The following MDGA2 variants were observed in gnomAD, a reference collection of about 807,000 sequenced individuals.
The protein encoded by MDGA2 is MAM domain containing glycosylphosphatidylinositol anchor 2, also known as MAM domain-containing glycosylphosphatidylinositol anchor protein 2.
A neutral mutation model predicts 117.8 loss-of-function variants in MDGA2; 40 were observed. The ratio of observed to expected loss-of-function variants is 0.34; its 90% CI spans 0.26 to 0.44. MDGA2 has a LOEUF of 0.44. Ranked by LOEUF, MDGA2 falls within the 20% of genes least tolerant of loss-of-function variation. The pLI is 1.00. For synonymous variants in MDGA2, 452 were observed against 439.0 expected (o/e 1.03, Z -0.37); for missense variants, 1,123 against 1,250.6 (o/e 0.90, Z 1.54).
chr14:47,039,244 G>T (rs1027440683), intron 7 of MDGA2, among the ~76,000 whole-genome samples: 1 of 152,060 alleles, frequency 6.6e-6, no homozygotes, highest in Non-Finnish European at 1.5e-5. Context: ...TATTCCAAAA[G>T]TCTTTCAAGC....
chr14:47,563,715 C>T (rs1283608243), intron 1 of MDGA2, among the ~76,000 whole-genome samples: 1 of 149,222 alleles, frequency 6.7e-6, no homozygotes, highest in Non-Finnish European at 1.5e-5. Flanking sequence ...ATCCAACTTG[C>T]CATTCTGTGC....
intron 1 of MDGA2, among the ~76,000 whole-genome samples, chr14:47,473,265 G>A (rs1367076763): frequency 6.6e-6 from 1 of 152,178 alleles, no homozygotes; most frequent in African/African-American, 2.4e-5. Flanking sequence ...ATTTTGAGTA[G>A]TTAGAGCTAG....
intron 2 of MDGA2, among the ~76,000 whole-genome samples, chr14:47,223,357 A>G (rs191448947): frequency 6.6e-6 from 1 of 152,236 alleles, no homozygotes; most frequent in African/African-American, 2.4e-5. Context: ...AACTCATCTG[A>G]ATTTATTTTA....
intron 5 of MDGA2, among the ~76,000 whole-genome samples, chr14:47,107,931 G>A (rs1880812672): frequency 1.3e-5 from 2 of 151,372 alleles, no homozygotes; most frequent in African/African-American, 4.9e-5. Context: ...CTTCCGTTCT[G>A]TCAGACATAA....
chr14:46,992,075 T>C (rs1410671777), intron 8 of MDGA2, among the ~76,000 whole-genome samples: 1 of 152,076 alleles, frequency 6.6e-6, no homozygotes, highest in East Asian at 1.9e-4. Context: ...ATACACTCTT[T>C]CTGTCAAAAG....
intron 3 of MDGA2, among the ~76,000 whole-genome samples, chr14:47,192,492 G>T (rs1885152050): frequency 6.6e-6 from 1 of 152,046 alleles, no homozygotes; most frequent in Non-Finnish European, 1.5e-5. Context: ...GCACGTAGCT[G>T]TAGTCCCAGC....
At chr14:47,165,043 T>C (rs575712986) in intron 3 of MDGA2, among the ~76,000 whole-genome samples, 4 of 152,170 alleles carry the variant, frequency 2.6e-5, no homozygotes, top group South Asian at 4.1e-4. Flanking sequence ...TAGGTGGGAA[T>C]TGAACAATGA....
intron 1 of MDGA2, among the ~76,000 whole-genome samples, chr14:47,393,842 A>G (rs1415031204): frequency 2.0e-5 from 3 of 152,198 alleles, no homozygotes; most frequent in Non-Finnish European, 4.4e-5. Flanking sequence ...TTGACTAATC[A>G]TACTGGCTTA....
At chr14:47,405,926 A>C (rs934268539) in intron 1 of MDGA2, among the ~76,000 whole-genome samples, 2 of 152,172 alleles carry the variant, frequency 1.3e-5, no homozygotes, top group Non-Finnish European at 2.9e-5. Flanking sequence ...TAAAAGAGAA[A>C]CAATTGAAAA....
chr14:47,267,235 A>G (rs1434322183), intron 2 of MDGA2, among the ~76,000 whole-genome samples: 2 of 152,070 alleles, frequency 1.3e-5, no homozygotes, highest in African/African-American at 2.4e-5. Context: ...TGGTAAATAC[A>G]CAGTTTTTAA....
chr14:46,967,724 C>A (rs1381506830), intron 8 of MDGA2, among the ~76,000 whole-genome samples: 3 of 152,148 alleles, frequency 2.0e-5, no homozygotes, highest in Non-Finnish European at 4.4e-5. Context: ...AATGACAGAA[C>A]TTGCAGATAG....
At chr14:46,871,334 A>G (rs1409961353) in intron 14 of MDGA2, 1 of 151,912 alleles carries the variant, frequency 6.6e-6, no homozygotes, top group Non-Finnish European at 1.5e-5. Context: ...GGCTTGCAAA[A>G]TCTTCCAACA....
intron 9 of MDGA2, among the ~76,000 whole-genome samples, chr14:46,940,552 C>CG (rs1388598333): frequency 6.7e-6 from 1 of 148,894 alleles, no homozygotes; most frequent in Admixed American, 6.7e-5. Context: ...TGCTCGAACC[C>CG]GGGGGGTGGA....
chr14:46,905,433 T>C (rs1883450383), intron 10 of MDGA2, among the ~76,000 whole-genome samples: 1 of 152,194 alleles, frequency 6.6e-6, no homozygotes, highest in Non-Finnish European at 1.5e-5. Flanking sequence ...TTTATTTAAG[T>C]CGTTTTGAGA....
intron 1 of MDGA2, among the ~76,000 whole-genome samples, chr14:47,470,841 A>G (rs541176539): frequency 6.6e-6 from 1 of 152,310 alleles, no homozygotes; most frequent in South Asian, 2.1e-4. Flanking sequence ...ATTGTCATCA[A>G]TTAATGAAAG....
intron 2 of MDGA2, among the ~76,000 whole-genome samples, chr14:47,225,389 T>C (rs1210419773): frequency 1.3e-5 from 2 of 151,604 alleles, no homozygotes; most frequent in Admixed American, 6.6e-5. Flanking sequence ...CTATTCACAA[T>C]AGCAAAGACT....
chr14:47,173,211 T>C (rs886669698), intron 3 of MDGA2, among the ~76,000 whole-genome samples: 2 of 152,182 alleles, frequency 1.3e-5, no homozygotes, highest in Non-Finnish European at 2.9e-5. Context: ...TGGAACCAAG[T>C]TGGAAAACAC....
intron 2 of MDGA2, among the ~76,000 whole-genome samples, chr14:47,246,702 T>A (rs1488204326): frequency 1.3e-5 from 2 of 151,110 alleles, no homozygotes; most frequent in African/African-American, 4.9e-5. Context: ...ATTTTTTAAA[T>A]AAAAGAAGTA....
Position 47,649,973 on chromosome 14 carries a change from C to CTT in MDGA2, c.280+24542_280+24543dup, listed in dbSNP as rs534232886. On this transcript the variant is annotated intron_variant, in intron 1 of 16. Coordinates refer to ENST00000399232, the MANE Select transcript of MDGA2 (RefSeq NM_001113498.3). ...ATAGGATACTAGATATTTGGTCAAACTTTAGTCTAAGTGCTTCTATGAGGA... is the reference window on the plus strand; with the variant it reads ...ATAGGATACTAGATATTTGGTCAAACTTTTTAGTCTAAGTGCTTCTATGAGGA... 1.2e-3 allele frequency among the ~76,000 whole-genome samples: 179 copies of CTT among 152,044 alleles called. 2 individuals are homozygous for CTT. Among genetic ancestry groups the CTT allele is most frequent in the African/African-American group, 4.1e-3 (172 of 41,488 alleles).
Sources: gnomAD v4.1 joint callset for allele counts (sites outside exome capture counted in the v4.1 genomes callset) on GRCh38, gnomAD v4.1.1 for gene constraint, MANE v1.5 for transcripts, NCBI Gene and HGNC (gene_info 2026-07-23, HGNC 2026-07-21) for gene names.